Variants in FBN2 observed in about 807,000 individuals in gnomAD.
FBN2 encodes the protein fibrillin 2.
A neutral mutation model predicts 355.6 loss-of-function variants in FBN2; 105 were observed. That is an observed-to-expected ratio of 0.30 (90% CI 0.25 to 0.35). The LOEUF (loss-of-function observed/expected upper bound fraction) is 0.35, where lower values mean the gene tolerates loss of function less well. Among genes scored for constraint, FBN2 ranks in the 10% least tolerant of loss-of-function variants. The pLI is 1.00. For synonymous variants in FBN2, 1,350 were observed against 1,301.2 expected (o/e 1.04, Z -0.81); for missense variants, 3,280 against 3,758.7 (o/e 0.87, Z 3.33).
At chr5:128,285,362 G>A (rs1484265968) in intron 55 of FBN2, among the ~76,000 whole-genome samples, 1 of 152,094 alleles carries the variant, frequency 6.6e-6, no homozygotes, top group Non-Finnish European at 1.5e-5. Flanking sequence ...TTGCATGAAA[G>A]TGTTCTACAA....
Position 128,318,927 on chromosome 5 carries a change from T to C in FBN2, c.4546A>G (p.Ile1516Val). 1.9e-6 allele frequency: 3 copies of C among 1,613,318 alleles called. No individual in the cohort carries two copies. In the South Asian group the frequency reaches 3.3e-5, roughly 18 times the overall value. ...TCCAATTCATAACCATCATCGCAGA[T>C]GCAATGAAACATTCCAGGCAGGTTA... ...CNNLPGMFHC[I>V]CDDGYELDRT... The change falls in exon 35 of 65, where the codon ATC becomes GTC. Residue 1516 changes from isoleucine (I) to valine (V), a missense_variant. By Grantham distance (29) the Ile-to-Val change is conservative (BLOSUM62 3). Around this residue, in one of 6 missense-constraint regions of FBN2, gnomAD observed 2,284 missense variants for 2,749.5 expected, o/e 0.83. Coordinates refer to ENST00000262464, the MANE Select transcript of FBN2 (RefSeq NM_001999.4).
intron 8 of FBN2, 73 bp from the exon 9 acceptor site, chr5:128,395,347 G>A: frequency 6.6e-7 from 1 of 1,523,686 alleles, no homozygotes; most frequent in South Asian, 1.1e-5. Flanking sequence ...CTGTACATGA[G>A]ATGAATGTAG....
chr5:128,423,988 G>A (rs918625026), intron 7 of FBN2, among the ~76,000 whole-genome samples: 6 of 152,124 alleles, frequency 3.9e-5, no homozygotes, highest in Admixed American at 2.6e-4. Flanking sequence ...TTATAACTTG[G>A]GAAAGAGAAT....
chr5:128,320,507 C>T (rs1054120712), intron 34 of FBN2, among the ~76,000 whole-genome samples: 1 of 152,200 alleles, frequency 6.6e-6, no homozygotes, highest in Non-Finnish European at 1.5e-5. Flanking sequence ...GGCCACCATG[C>T]CCGATCCATT....
In FBN2 at chr5:128,263,520, G is replaced by A; in HGVS notation, c.8097C>T (p.Cys2699=). The A allele has an allele frequency of 6.2e-7, 1 of 1,614,134 alleles. No homozygotes were observed. ...FSSACHDVNE[C]SSSKNPCNYG... is the part of the protein sequence containing the mutation. ...AATTGCAGGGGTTCTTGGAGGACGA[G>A]CACTCATTCACGTCGTGGCAGGCAC... The change falls in exon 63 of 65, where the codon TGC becomes TGT. Residue 2699 remains cysteine, a synonymous_variant. Coordinates refer to ENST00000262464, the MANE Select transcript of FBN2 (RefSeq NM_001999.4).
chr5:128,281,055 T>C (rs1466614813), intron 55 of FBN2, among the ~76,000 whole-genome samples: 2 of 152,180 alleles, frequency 1.3e-5, no homozygotes, highest in Non-Finnish European at 2.9e-5. Flanking sequence ...TTTTTAAAAA[T>C]TTACTGACAT....
Position 128,339,053 on chromosome 5 carries a change from C to T in FBN2, c.3352G>A (p.Glu1118Lys), listed in dbSNP as rs1348701377. ...MEERNCTDIDECRISPDLCGS... is the reference protein window; with the variant it reads ...MEERNCTDIDKCRISPDLCGS... Reference sequence around the variant, plus strand: ...CAGAGGTCAGGAGAAATCCTGCACTCGTCGATGTCTAATTCACAGGGTTTA... The same window carrying T: ...CAGAGGTCAGGAGAAATCCTGCACTTGTCGATGTCTAATTCACAGGGTTTA... Residue 1118 changes from glutamate to lysine, a missense_variant, in exon 26 of 65, where the codon GAG (glutamate) becomes AAG (lysine). This residue lies in a region of FBN2 where 2,284 missense variants were observed against 2,749.5 expected (regional missense o/e 0.83). Transcript: ENST00000262464. 1.9e-6 allele frequency: 3 copies of T among 1,613,930 alleles called. No homozygotes were observed. Among genetic ancestry groups the T allele is most frequent in the East Asian group, 2.2e-5 (1 of 44,860 alleles).
intron 7 of FBN2, among the ~76,000 whole-genome samples, chr5:128,424,166 G>T (rs1282995346): frequency 6.6e-6 from 1 of 152,082 alleles, no homozygotes; most frequent in African/African-American, 2.4e-5. Flanking sequence ...CAAAGGTAGG[G>T]AACTCAGAAG....
At chr5:128,400,293 A>C (rs1752763595) in intron 8 of FBN2, among the ~76,000 whole-genome samples, 1 of 152,088 alleles carries the variant, frequency 6.6e-6, no homozygotes, top group African/African-American at 2.4e-5. Flanking sequence ...TCAATACATA[A>C]TTTTAAAACG....
At chr5:128,282,304 A>G (rs146477015) in intron 55 of FBN2, among the ~76,000 whole-genome samples, 158 of 152,266 alleles carry the variant, frequency 1.0e-3, no homozygotes, top group African/African-American at 3.3e-3. Context: ...ATTTAAAGGT[A>G]TATACAAAAG....
At chr5:128,338,214 G>T (rs1462815564) in intron 26 of FBN2, 92 bp from the exon 27 acceptor site, 3 of 1,271,196 alleles carry the variant, frequency 2.4e-6, no homozygotes, top group Non-Finnish European at 2.3e-6. Context: ...TCTGATGTGA[G>T]AGTGTGAGTT....
chr5:128,285,385 T>C (rs1749119534), intron 55 of FBN2, among the ~76,000 whole-genome samples: 1 of 152,204 alleles, frequency 6.6e-6, no homozygotes, highest in African/African-American at 2.4e-5. Flanking sequence ...AGTTTTGTGA[T>C]GATCAAAAAA....
chr5:128,435,010 CT>C (rs940804315), intron 7 of FBN2, among the ~76,000 whole-genome samples: 2 of 151,854 alleles, frequency 1.3e-5, no homozygotes, highest in African/African-American at 2.4e-5. Context: ...CTTTACCATG[CT>C]TTTTTTTCAT....
intron 6 of FBN2, among the ~76,000 whole-genome samples, chr5:128,462,399 T>C (rs2127080798): frequency 6.6e-6 from 1 of 152,322 alleles, no homozygotes; most frequent in Non-Finnish European, 1.5e-5. Context: ...CAGTAAGATG[T>C]CTTAAAATAG....
chr5:128,512,469 C>T (rs978287612), intron 5 of FBN2, among the ~76,000 whole-genome samples: 8 of 147,446 alleles, frequency 5.4e-5, no homozygotes, highest in South Asian at 2.1e-4. Flanking sequence ...GCCAAGATCA[C>T]GCCACTGCAC....
intron 5 of FBN2, among the ~76,000 whole-genome samples, chr5:128,497,946 C>A (rs1755701177): frequency 6.6e-6 from 1 of 152,126 alleles, no homozygotes; most frequent in Admixed American, 6.5e-5. Context: ...CTTTCTGACA[C>A]CCACCTGAAA....
intron 8 of FBN2, among the ~76,000 whole-genome samples, chr5:128,404,067 G>A (rs1467968229): frequency 2.0e-5 from 3 of 152,158 alleles, no homozygotes; most frequent in Admixed American, 6.5e-5. Context: ...CAGATAACAC[G>A]CAGTTTAGTA....
chr5:128,436,644 T>G (rs1753773794), intron 7 of FBN2, among the ~76,000 whole-genome samples: 1 of 150,782 alleles, frequency 6.6e-6, no homozygotes, highest in South Asian at 2.1e-4. Context: ...AGGCTTTGAT[T>G]CTTAAACCCA....
At chr5:128,499,199 C>T (rs1224176077) in intron 5 of FBN2, among the ~76,000 whole-genome samples, 1 of 152,086 alleles carries the variant, frequency 6.6e-6, no homozygotes, top group African/African-American at 2.4e-5. Flanking sequence ...AATTTTAAGA[C>T]ATTATAAATC....
Sources: gnomAD v4.1 joint callset for allele counts (sites outside exome capture counted in the v4.1 genomes callset) on GRCh38, gnomAD v4.1.1 for gene constraint, gnomAD v4.1.1 regional missense constraint, MANE v1.5 for transcripts, NCBI Gene and HGNC (gene_info 2026-07-23, HGNC 2026-07-21) for gene names.